Variants in MTHFD1 observed in about 807,000 individuals in gnomAD.
The protein encoded by MTHFD1 is C-1-tetrahydrofolate synthase, cytoplasmic.
MTHFD1 carries 44 observed loss-of-function variants against 110.3 expected under a neutral mutation model. The observed-to-expected ratio is 0.40, with a 90% CI of 0.31 to 0.51. The LOEUF is 0.51. MTHFD1 is among the 20% of genes least tolerant of loss of function. MTHFD1 has a pLI of 0.60. For missense variants in MTHFD1, 909 were observed against 1,173.1 expected (o/e 0.77, Z 3.29); for synonymous variants, 402 against 428.8 (o/e 0.94, Z 0.77).
intron 2 of MTHFD1, among the ~76,000 whole-genome samples, chr14:64,404,076 G>A (rs559836426): frequency 5.3e-5 from 8 of 152,308 alleles, no homozygotes; most frequent in African/African-American, 1.9e-4. Flanking sequence ...CATTGTAGTG[G>A]TATTATTATG....
At chr14:64,441,160 C>T in intron 18 of MTHFD1, 1 of 503,636 alleles carries the variant, frequency 2.0e-6, no homozygotes, top group East Asian at 4.0e-5. Flanking sequence ...CCACTGCACT[C>T]CAGCCTGGGC....
chr14:64,391,475 C>G lies in MTHFD1; in HGVS notation c.41+3007C>G, dbSNP rs377577420. Among the ~76,000 whole-genome samples, 13 of 152,268 alleles carry G rather than the reference C, an allele frequency of 8.5e-5. No individual in the cohort carries two copies. The South Asian group carries it at 1.5e-3, about 17-fold the overall frequency. The stretch of plus-strand genomic sequence containing the variant: ...CCACTGCGCCCCCGCTGGCGCTTTG[C>G]TTTTTCTTTACAGTCTTCCTCTCAT... On this transcript the variant is annotated intron_variant, in intron 1 of 27. Coordinates refer to ENST00000652337, the MANE Select transcript of MTHFD1 (RefSeq NM_005956.4).
intron 18 of MTHFD1, 68 bp downstream of exon 18, chr14:64,440,334 T>C: frequency 6.4e-7 from 1 of 1,574,072 alleles, no homozygotes; most frequent in Non-Finnish European, 8.7e-7. Flanking sequence ...TTTCAGCAGT[T>C]ATTAATAACA....
chr14:64,432,910 C>A (rs537495872), intron 15 of MTHFD1, among the ~76,000 whole-genome samples: 24 of 152,138 alleles, frequency 1.6e-4, no homozygotes, highest in Non-Finnish European at 2.6e-4. Context: ...ACACACACCA[C>A]CACACCTGGC....
intron 19 of MTHFD1, 194 bp downstream of exon 19, chr14:64,441,647 A>C: frequency 1.7e-6 from 1 of 598,168 alleles, no homozygotes; most frequent in Non-Finnish European, 3.0e-6. Context: ...TCTACTAAAA[A>C]TACAAAAAAT....
chr14:64,458,237 C>A lies in MTHFD1; in HGVS notation c.2742C>A (p.Pro914=), dbSNP rs375411709. ...VGTMSTMPGL[P]TRPCFYDIDL... The stretch of plus-strand genomic sequence containing the variant: ...AGATGAGCACAATGCCTGGACTCCC[C>A]ACCCGGCCCTGTTTTTATGATATTG... The change falls in exon 27 of 28, where the codon CCC becomes CCA. Residue 914 remains proline, a synonymous_variant. Coordinates refer to ENST00000652337, the MANE Select transcript of MTHFD1 (RefSeq NM_005956.4). The A allele has an allele frequency of 8.1e-6, 13 of 1,613,032 alleles. No individual in the cohort carries two copies. Among genetic ancestry groups the A allele is most frequent in the Non-Finnish European group, 1.0e-5 (12 of 1,179,140 alleles).
At chr14:64,404,634 A>T (rs1234003295) in intron 2 of MTHFD1, among the ~76,000 whole-genome samples, 1 of 152,142 alleles carries the variant, frequency 6.6e-6, no homozygotes, top group Non-Finnish European at 1.5e-5. Flanking sequence ...TCTCCAATAG[A>T]TCATTTAATC....
chr14:64,441,348 C>G lies in MTHFD1; in HGVS notation c.1816-37C>G, dbSNP rs369715418. The G allele has an allele frequency of 3.7e-6, 6 of 1,602,296 alleles. No homozygotes were observed. In the African/African-American group the frequency reaches 5.4e-5, roughly 14 times the overall value. ...GGTTTCAGAAGGTTGGGTTTTTTTGCTGGTGGGAGTTGATGCTGCACACAT... is the reference window on the plus strand; with the variant it reads ...GGTTTCAGAAGGTTGGGTTTTTTTGGTGGTGGGAGTTGATGCTGCACACAT... On this transcript the variant is annotated intron_variant, in intron 18 of 27. Coordinates refer to ENST00000652337, the MANE Select transcript of MTHFD1 (RefSeq NM_005956.4).
At chr14:64,444,341 C>T (rs1173299890) in intron 21 of MTHFD1, among the ~76,000 whole-genome samples, 2 of 151,704 alleles carry the variant, frequency 1.3e-5, no homozygotes, top group Non-Finnish European at 1.5e-5. Context: ...CAGGCCCGAC[C>T]GCTTCCTCTT....
chr14:64,424,638 TC>T (rs772135448), intron 8 of MTHFD1, among the ~76,000 whole-genome samples, 165 bp from the exon 9 acceptor site: 1 of 152,208 alleles, frequency 6.6e-6, no homozygotes, highest in Non-Finnish European at 1.5e-5. Context: ...AATAATTTTC[TC>T]CCTAAGAAAT....
intron 2 of MTHFD1, among the ~76,000 whole-genome samples, chr14:64,410,683 A>G (rs2077977029): frequency 1.3e-5 from 2 of 152,050 alleles, no homozygotes; most frequent in South Asian, 4.1e-4. Flanking sequence ...AGGGTGTGGA[A>G]TGTGCCCTCT....
Position 64,390,269 on chromosome 14 carries a change from TTAA to T in MTHFD1, c.41+1806_41+1808del, listed in dbSNP as rs542463168. 1.2e-3 allele frequency: 184 copies of T among 152,290 alleles called. 2 individuals are homozygous for T. Among genetic ancestry groups the T allele is most frequent in the African/African-American group, 4.1e-3 (171 of 41,576 alleles). 9.4% of individuals were successfully genotyped at this position (152,290 alleles called of 1,614,324 possible). On this transcript the variant is annotated intron_variant, in intron 1 of 27. Transcript: ENST00000652337. ...TAATAAGTATTCGATATATGTTGTATTAATAATCAGTAATTAGTTAATGTATAT... is the reference window on the plus strand; with the variant it reads ...TAATAAGTATTCGATATATGTTGTATTAATCAGTAATTAGTTAATGTATAT...
At chr14:64,444,957 C>T (rs2078279202) in intron 22 of MTHFD1, 2 of 564,374 alleles carry the variant, frequency 3.5e-6, no homozygotes, top group Admixed American at 2.9e-5. Flanking sequence ...TAAGCCACTG[C>T]CCTAGACCAG....
chr14:64,430,156 G>A, intron 12 of MTHFD1, 28 bp from the exon 13 acceptor site: 2 of 1,611,428 alleles, frequency 1.2e-6, no homozygotes, highest in African/African-American at 1.3e-5. Context: ...ATGCTTAACT[G>A]AGCTTCCACC....
chr14:64,410,939 C>CT (rs1338801287), intron 2 of MTHFD1, 151 bp from the exon 3 acceptor site: 1 of 680,204 alleles, frequency 1.5e-6, no homozygotes, highest in East Asian at 2.7e-5. Flanking sequence ...ATCCCTCCTG[C>CT]CCCCACAGCC....
intron 4 of MTHFD1, among the ~76,000 whole-genome samples, chr14:64,414,836 T>C (rs999914959): frequency 3.3e-5 from 5 of 151,942 alleles, no homozygotes; most frequent in African/African-American, 1.2e-4. Context: ...ATTACAGGCA[T>C]GTGCCACCAC....
Position 64,401,017 on chromosome 14 carries a change from C to G in MTHFD1, c.126+140C>G, listed in dbSNP as rs900807458. Reference sequence around the variant, plus strand: ...TTTTCAGTCTCTCTTGGCAGGCTCCCCCCTTTGGCTCAGCTTCTAAATGTT... The same window carrying G: ...TTTTCAGTCTCTCTTGGCAGGCTCCGCCCTTTGGCTCAGCTTCTAAATGTT... On this transcript the variant is annotated intron_variant, in intron 2 of 27. Transcript: ENST00000652337. 8.6e-6 allele frequency: 6 copies of G among 697,970 alleles called. No homozygotes were observed. In the African/African-American group the frequency reaches 8.9e-5, roughly 10 times the overall value. The allele number at this position is 697,970 out of a possible 1,614,324, so 43.2% of individuals were successfully genotyped here.
chr14:64,397,588 C>T (rs1049211545), intron 1 of MTHFD1, among the ~76,000 whole-genome samples: 10 of 152,086 alleles, frequency 6.6e-5, no homozygotes, highest in Non-Finnish European at 1.0e-4. Flanking sequence ...CCATCATGCC[C>T]GGCCCGAAGC....
rs920392170 is a variant in MTHFD1 at position 64,426,071 on chromosome 14, C to G, written c.1006C>G (p.Arg336Gly). ...ACCGAAGCCCATTGGTAAGCTGGCT[C>G]GAGAAATTGGTCTGCTGTCTGAAGA... is the stretch of plus-strand genomic sequence containing the variant. ...CKPKPIGKLA[R>G]EIGLLSEEVE... Residue 336 changes from arginine (R) to glycine (G), a missense_variant, in exon 11 of 28, where the codon CGA becomes GGA. Arg to Gly is a moderately radical substitution (Grantham distance 125). Transcript: ENST00000652337. The G allele has an allele frequency of 1.2e-6, 2 of 1,613,792 alleles. No homozygotes were observed. Among genetic ancestry groups the G allele is most frequent in the Admixed American group, 1.7e-5 (1 of 60,018 alleles).
Sources: gnomAD v4.1 joint callset for allele counts (sites outside exome capture counted in the v4.1 genomes callset) on GRCh38, gnomAD v4.1.1 for gene constraint, MANE v1.5 for transcripts, NCBI Gene and HGNC (gene_info 2026-07-23, HGNC 2026-07-21) for gene names.